The following TAB2 variants were observed in gnomAD, a reference collection of about 807,000 sequenced individuals.
The protein encoded by TAB2 is TGF-beta-activated kinase 1 and MAP3K7-binding protein 2.
In TAB2, 3 loss-of-function variants were observed where a neutral mutation model predicts 65.0. The ratio of observed to expected loss-of-function variants is 0.05; its 90% confidence interval spans 0.02 to 0.12. TAB2 has a LOEUF of 0.12. Ranked by LOEUF, TAB2 falls within the 10% of genes least tolerant of loss-of-function variation. TAB2 has a pLI of 1.00. For missense variants in TAB2, 623 were observed against 840.3 expected (o/e 0.74, Z 3.20); for synonymous variants, 298 against 285.1 (o/e 1.05, Z -0.46).
intron 1 of TAB2, among the ~76,000 whole-genome samples, chr6:149,338,889 A>G (rs117632296): frequency 6.6e-6 from 1 of 152,174 alleles, no homozygotes; most frequent in African/African-American, 2.4e-5. Context: ...AATCATTCCT[A>G]TGGCTATATT....
At chr6:149,325,200 GTGATT>G in intron 1 of TAB2, among the ~76,000 whole-genome samples, 1 of 152,278 alleles carries the variant, frequency 6.6e-6, no homozygotes, top group South Asian at 2.1e-4. Flanking sequence ...CTATAGCTAT[GTGATT>G]TTAGACATCA....
chr6:149,282,249 A>G lies in TAB2; in HGVS notation c.-121+63473A>G, dbSNP rs138625891. On this transcript the variant is annotated intron_variant, in intron 1 of 1. Transcript: ENST00000606202. Reference sequence around the variant, plus strand: ...TCCTAAATGTCTATGCGTCTATAACAAAGCTTCAAAACACATGAAGCAAAA... The same window carrying G: ...TCCTAAATGTCTATGCGTCTATAACGAAGCTTCAAAACACATGAAGCAAAA... 1.1e-4 allele frequency among the ~76,000 whole-genome samples: 16 copies of G among 152,342 alleles called. No individual in the cohort carries two copies. In the East Asian group the frequency reaches 3.1e-3, roughly 29 times the overall value.
chr6:149,262,425 T>C (rs1335704722), intron 1 of TAB2, among the ~76,000 whole-genome samples: 1 of 151,724 alleles, frequency 6.6e-6, no homozygotes, highest in African/African-American at 2.4e-5. Flanking sequence ...CCCAGCTACT[T>C]GGGAGGCTGA....
chr6:149,378,844 G>A lies in TAB2; in HGVS notation c.929G>A (p.Ser310Asn), dbSNP rs1164009692. 5 of 1,613,912 alleles carry A rather than the reference G, an allele frequency of 3.1e-6. No individual in the cohort carries two copies. In the Admixed American group the frequency reaches 6.7e-5, roughly 22 times the overall value. The change falls in exon 3 of 7, where the codon AGC becomes AAC. Residue 310 changes from serine to asparagine, a missense_variant. Ser to Asn is a conservative substitution (Grantham distance 46). Transcript: ENST00000637181. The stretch of plus-strand genomic sequence containing the variant: ...GGTAGCTCACAGTCTTCTGCCCATA[G>A]CCAATATAACATTCAGAATATTTCA... The part of the protein sequence containing the change: ...SSGSSQSSAH[S>N]QYNIQNISTG...
chr6:149,279,863 C>T (rs1278266814), intron 1 of TAB2, among the ~76,000 whole-genome samples: 1 of 152,140 alleles, frequency 6.6e-6, no homozygotes, highest in Non-Finnish European at 1.5e-5. Flanking sequence ...CCTATTTCCC[C>T]CTTCTGTGCT....
At chr6:149,321,653 G>A (rs768625381) in intron 1 of TAB2, among the ~76,000 whole-genome samples, 11 of 152,058 alleles carry the variant, frequency 7.2e-5, no homozygotes, top group Non-Finnish European at 1.2e-4. Context: ...ATTTTCACTT[G>A]GATTTTTATT....
chr6:149,395,705 CT>C (rs530800264), intron 3 of TAB2, among the ~76,000 whole-genome samples: 2,563 of 144,202 alleles, frequency 0.018, 54 homozygotes, highest in South Asian at 0.1. Flanking sequence ...ATTGTCAGAG[CT>C]TTTTTTTTTT....
intron 1 of TAB2, among the ~76,000 whole-genome samples, chr6:149,262,316 T>A (rs1480238024): frequency 6.6e-6 from 1 of 152,204 alleles, no homozygotes; most frequent in African/African-American, 2.4e-5. Flanking sequence ...GAGGATCACT[T>A]GAGATCAGGA....
chr6:149,242,474 C>A (rs545592798), intron 1 of TAB2, among the ~76,000 whole-genome samples: 42 of 152,210 alleles, frequency 2.8e-4, no homozygotes, highest in African/African-American at 8.4e-4. Context: ...CCTAAAGTTG[C>A]CTGTGAGTAG....
intron 1 of TAB2, among the ~76,000 whole-genome samples, chr6:149,312,247 C>A (rs749556930): frequency 3.2e-4 from 49 of 152,124 alleles, no homozygotes; most frequent in Admixed American, 4.6e-4. Flanking sequence ...TAAGAGCATG[C>A]GCACATAAAT....
intron 1 of TAB2, among the ~76,000 whole-genome samples, chr6:149,258,275 T>C (rs1200574016): frequency 6.6e-6 from 1 of 152,140 alleles, no homozygotes; most frequent in Admixed American, 6.5e-5. Flanking sequence ...TTACAGCATT[T>C]GCCGCTTTCT....
upstream of TAB2, among the ~76,000 whole-genome samples, chr6:149,316,689 GCC>G (rs771285320): frequency 2.4e-4 from 37 of 152,048 alleles, no homozygotes; most frequent in Admixed American, 4.6e-4. Flanking sequence ...AAACTTGAAG[GCC>G]CCCCCTCTTC....
At chr6:149,387,260 T>C (rs1331345069) in intron 3 of TAB2, among the ~76,000 whole-genome samples, 1 of 152,224 alleles carries the variant, frequency 6.6e-6, no homozygotes, top group African/African-American at 2.4e-5. Flanking sequence ...TCTTTGATCT[T>C]TCATCCATTC....
intron 1 of TAB2, among the ~76,000 whole-genome samples, chr6:149,309,633 G>T (rs1021359971): frequency 2.0e-5 from 3 of 151,660 alleles, no homozygotes; most frequent in African/African-American, 7.3e-5. Context: ...TCCTGACCTC[G>T]TGATCCACCC....
At chr6:149,350,706 C>G (rs1185969571) in intron 1 of TAB2, among the ~76,000 whole-genome samples, 3 of 147,846 alleles carry the variant, frequency 2.0e-5, no homozygotes, top group African/African-American at 7.5e-5. Context: ...CCTTGAACTC[C>G]TGGGCTCAAT....
chr6:149,375,108 C>T (rs868311686), intron 2 of TAB2, among the ~76,000 whole-genome samples: 1 of 152,056 alleles, frequency 6.6e-6, no homozygotes, highest in Non-Finnish European at 1.5e-5. Flanking sequence ...TAAGTCCTGT[C>T]TCTTACAGTA....
rs1458700125 is a variant in TAB2 at position 149,326,548 on chromosome 6, TA to T, written c.-90+8534del. Among the ~76,000 whole-genome samples the T allele has an allele frequency of 6.9e-5, 4 of 58,212 alleles. No individual in the cohort carries two copies. In the East Asian group the frequency reaches 2.3e-3, roughly 33 times the overall value. The allele number at this position is 58,212 out of a possible 152,430, so 38.2% of individuals were successfully genotyped here. On this transcript the variant is annotated intron_variant, in intron 1 of 6. Coordinates refer to ENST00000637181, the MANE Select transcript of TAB2 (RefSeq NM_001292034.3). ...GGTCTTTTCAGCCTTGTGTTTTTGT[TA>T]TTATTTTTTTTTTTTTGAGACGGGG...
chr6:149,222,433 C>T (rs1321379698), intron 1 of TAB2, among the ~76,000 whole-genome samples: 1 of 152,046 alleles, frequency 6.6e-6, no homozygotes, highest in African/African-American at 2.4e-5. Context: ...GCCTGGCCAA[C>T]ATGGTGAAAC....
chr6:149,303,901 G>A (rs538796565), intron 1 of TAB2, among the ~76,000 whole-genome samples: 57 of 152,356 alleles, frequency 3.7e-4, no homozygotes, highest in African/African-American at 1.3e-3. Flanking sequence ...GTGCCTTGAG[G>A]GAGGCGCAAA....
Sources: gnomAD v4.1 joint callset for allele counts (sites outside exome capture counted in the v4.1 genomes callset) on GRCh38, gnomAD v4.1.1 for gene constraint, MANE v1.5 for transcripts, NCBI Gene and HGNC (gene_info 2026-07-23, HGNC 2026-07-21) for gene names.